NME7: variants seen among roughly 807,000 people sequenced by gnomAD.
NME7 encodes the protein nucleoside diphosphate kinase 7.
A neutral mutation model predicts 49.1 loss-of-function variants in NME7; 41 were observed. That is an observed-to-expected ratio of 0.83 (90% CI 0.65 to 1.08). The LOEUF (loss-of-function observed/expected upper bound fraction) is 1.08. Among genes scored for constraint, NME7 ranks in the 50% least tolerant of loss-of-function variants. The pLI, the probability that NME7 is intolerant of heterozygous loss-of-function variation, is 0.00. For missense variants in NME7, 423 were observed against 463.4 expected (o/e 0.91, Z 0.80); for synonymous variants, 139 against 150.6 (o/e 0.92, Z 0.56).
intron 10 of NME7, among the ~76,000 whole-genome samples, chr1:169,175,890 A>C (rs1463743972): frequency 6.6e-6 from 1 of 152,186 alleles, no homozygotes; most frequent in Non-Finnish European, 1.5e-5. Context: ...TTCACAGGCA[A>C]TGAGGGTAAT....
At chr1:169,337,129 G>A (rs201661399) in intron 1 of NME7, among the ~76,000 whole-genome samples, 3 of 152,212 alleles carry the variant, frequency 2.0e-5, no homozygotes, top group Admixed American at 6.5e-5. Context: ...AGCAGGGGGC[G>A]GCGCTTGTAG....
intron 11 of NME7, among the ~76,000 whole-genome samples, chr1:169,135,119 G>A (rs143659207): frequency 6.6e-5 from 10 of 151,202 alleles, no homozygotes; most frequent in Non-Finnish European, 1.5e-4. Flanking sequence ...GAGTCCAGGA[G>A]GTTCAAGTCT....
intron 10 of NME7, among the ~76,000 whole-genome samples, chr1:169,224,136 A>G (rs1020593833): frequency 2.6e-5 from 4 of 152,196 alleles, no homozygotes; most frequent in Admixed American, 2.0e-4. Context: ...TCTCACCTGG[A>G]TGCCTTGGTC....
At chr1:169,337,028 C>G (rs932233384) in intron 1 of NME7, among the ~76,000 whole-genome samples, 25 of 152,262 alleles carry the variant, frequency 1.6e-4, no homozygotes, top group African/African-American at 4.6e-4. Context: ...GGATCCCGCA[C>G]CGGGGCTGCA....
chr1:169,302,811 A>G (rs1488016496), intron 5 of NME7, among the ~76,000 whole-genome samples: 2 of 152,176 alleles, frequency 1.3e-5, no homozygotes. Flanking sequence ...AAAGCCCCAC[A>G]AACACAAAAG....
rs1415807994 is a variant in NME7 at position 169,252,808 on chromosome 1, T to C, written c.755-15121A>G. On this transcript the variant is annotated intron_variant, in intron 7 of 11. Transcript: ENST00000367811. Reference sequence around the variant, plus strand: ...TAGCCAGTTTTCCCAGCACCATTTATTAAATAGGGAATCCTTTCCCCATTG... The same window carrying C: ...TAGCCAGTTTTCCCAGCACCATTTACTAAATAGGGAATCCTTTCCCCATTG... Among the ~76,000 whole-genome samples, 6 of 148,496 alleles carry C rather than the reference T, an allele frequency of 4.0e-5. No individual in the cohort carries two copies. The Admixed American group carries it at 4.0e-4, about 10-fold the overall frequency.
chr1:169,161,913 C>T (rs1289429054), intron 11 of NME7, among the ~76,000 whole-genome samples: 1 of 152,150 alleles, frequency 6.6e-6, no homozygotes, highest in East Asian at 1.9e-4. Context: ...CCCAATTGAT[C>T]CCATAGGTAA....
intron 10 of NME7, among the ~76,000 whole-genome samples, chr1:169,181,375 A>T (rs951559334): frequency 3.3e-4 from 50 of 150,916 alleles, no homozygotes; most frequent in African/African-American, 9.8e-4. Flanking sequence ...ACACACACAC[A>T]CACACACACA....
In NME7 at chr1:169,242,052, T is replaced by G. The variant is rs190830606; in HGVS notation, c.755-4365A>C. Among the ~76,000 whole-genome samples the G allele has an allele frequency of 1.3e-3, 197 of 152,108 alleles. 1 individual carries two copies. Among genetic ancestry groups the G allele is most frequent in the African/African-American group, 4.6e-3 (193 of 41,576 alleles). ...AATATTCCTGCCTCAGGCTCCTAAA[T>G]ATCTGGGATTACAGGCACATACCAC... On this transcript the variant is annotated intron_variant, in intron 7 of 11. Coordinates refer to ENST00000367811, the MANE Select transcript of NME7 (RefSeq NM_013330.5).
chr1:169,164,536 T>C (rs767035577), intron 11 of NME7, among the ~76,000 whole-genome samples: 6 of 152,194 alleles, frequency 3.9e-5, no homozygotes, highest in Non-Finnish European at 7.3e-5. Context: ...CATAGTGAGA[T>C]GAGTAACTTG....
At chr1:169,314,596 T>C (rs1259860763) in intron 3 of NME7, among the ~76,000 whole-genome samples, 1 of 152,022 alleles carries the variant, frequency 6.6e-6, no homozygotes, top group Non-Finnish European at 1.5e-5. Flanking sequence ...CTACAGTAGA[T>C]GCAGATTATA....
chr1:169,298,238 G>A (rs1350355146), intron 6 of NME7, among the ~76,000 whole-genome samples: 3 of 152,104 alleles, frequency 2.0e-5, no homozygotes, highest in African/African-American at 7.2e-5. Flanking sequence ...ATATCTACTA[G>A]CCATAAACTG....
chr1:169,190,521 T>TC (rs1660187165), intron 10 of NME7: 1 of 260,796 alleles, frequency 3.8e-6, no homozygotes, highest in Non-Finnish European at 7.3e-6. Flanking sequence ...TAATTTTTCT[T>TC]CTTTTTTTTT....
intron 1 of NME7, among the ~76,000 whole-genome samples, chr1:169,337,649 G>A (rs1652532807): frequency 6.6e-6 from 1 of 152,184 alleles, no homozygotes; most frequent in African/African-American, 2.4e-5. Flanking sequence ...CTCAATAGCA[G>A]ATCATTAAAA....
At chr1:169,301,440 T>C (rs1033426725) in intron 5 of NME7, among the ~76,000 whole-genome samples, 3 of 152,126 alleles carry the variant, frequency 2.0e-5, no homozygotes, top group South Asian at 4.1e-4. Context: ...GGCAAGACTA[T>C]AGAGGAAAGA....
intron 10 of NME7, among the ~76,000 whole-genome samples, chr1:169,213,562 G>A (rs1296683662): frequency 6.6e-6 from 1 of 152,026 alleles, no homozygotes; most frequent in Non-Finnish European, 1.5e-5. Context: ...TCTTTCCTGT[G>A]TATCACTCCC....
At chr1:169,227,172 T>C (rs751206858) in intron 10 of NME7, among the ~76,000 whole-genome samples, 1 of 152,216 alleles carries the variant, frequency 6.6e-6, no homozygotes, top group Non-Finnish European at 1.5e-5. Flanking sequence ...CTTTCTATGA[T>C]CGTGAACCTG....
At chr1:169,210,745 G>A (rs1171655629) in intron 10 of NME7, among the ~76,000 whole-genome samples, 1 of 152,046 alleles carries the variant, frequency 6.6e-6, no homozygotes, top group Non-Finnish European at 1.5e-5. Context: ...AGAAAGCAGG[G>A]GATGGGGAGG....
At chr1:169,361,773 C>A (rs899355021) in intron 1 of NME7, among the ~76,000 whole-genome samples, 1 of 148,436 alleles carries the variant, frequency 6.7e-6, no homozygotes, top group African/African-American at 2.5e-5. Flanking sequence ...CAGAACAAAA[C>A]TCTGTCTAAA....
Sources: allele counts gnomAD v4.1 joint callset (sites outside exome capture counted in the v4.1 genomes callset), GRCh38; gene constraint gnomAD v4.1.1; transcripts MANE v1.5; gene names NCBI Gene and HGNC (gene_info 2026-07-23, HGNC 2026-07-21).